Variants in TRIM35 observed in about 807,000 individuals in gnomAD.
TRIM35 encodes the protein E3 ubiquitin-protein ligase TRIM35.
A neutral mutation model predicts 49.1 loss-of-function variants in TRIM35; 37 were observed. That is an observed-to-expected ratio of 0.75 (90% CI 0.58 to 0.99). The LOEUF (loss-of-function observed/expected upper bound fraction) is 0.99, where lower values mean the gene tolerates loss of function less well. TRIM35 is among the 50% of genes least tolerant of loss of function. TRIM35 has a pLI of 0.00. For missense variants in TRIM35, 648 were observed against 702.7 expected, an observed-to-expected ratio of 0.92 and a Z score of 0.88; for synonymous variants, 302 against 289.3, an observed-to-expected ratio of 1.04 and a Z score of -0.45.
chr8:27,293,001 T>C (rs1802485459), intron 3 of TRIM35, among the ~76,000 whole-genome samples: 1 of 148,372 alleles, frequency 6.7e-6, no homozygotes, highest in Non-Finnish European at 1.5e-5. Context: ...ATTTTTCTTT[T>C]TCTTTTTTTT....
intron 2 of TRIM35, among the ~76,000 whole-genome samples, chr8:27,296,242 G>A (rs955504492): frequency 2.0e-5 from 3 of 151,266 alleles, no homozygotes; most frequent in Admixed American, 6.6e-5. Context: ...GCGCCATGGT[G>A]GTCTGCTGCA....
chr8:27,294,068 T>C lies in TRIM35; in HGVS notation c.762+12A>G. The C allele has an allele frequency of 6.2e-7, 1 of 1,612,356 alleles. No individual in the cohort carries two copies. Among genetic ancestry groups the C allele is most frequent in the Non-Finnish European group, 8.5e-7 (1 of 1,178,856 alleles). On this transcript the variant is annotated intron_variant, in intron 3 of 5. Transcript: ENST00000305364. ...TGGCCCTGTCACTGAATCCAGACGC[T>C]GAGCTCCTTACCATGAGAAAAGAAA...
chr8:27,294,160 T>C lies in TRIM35; in HGVS notation c.682A>G (p.Thr228Ala), dbSNP rs1311784281. Residue 228 changes from threonine (T) to alanine (A), a missense_variant, in exon 3 of 6, where the codon ACA (threonine) becomes GCA (alanine). Physicochemically the swap from Thr to Ala is moderately conservative, Grantham distance 58 (BLOSUM62 0). Coordinates refer to ENST00000305364, the MANE Select transcript of TRIM35 (RefSeq NM_171982.5). ...LLADEKMKQL[T>A]EETEVLAHEI... ...TGTGCCAGCACCTCCGTCTCCTCTGTGAGCTGCTTCATCTTCTCGTCGGCC... is the reference window on the plus strand; with the variant it reads ...TGTGCCAGCACCTCCGTCTCCTCTGCGAGCTGCTTCATCTTCTCGTCGGCC... The C allele has an allele frequency of 6.2e-7, 1 of 1,614,160 alleles. No homozygotes were observed. The highest frequency in any genetic ancestry group is 8.5e-7 in the Non-Finnish European group (1 of 1,179,954).
At chr8:27,293,396 G>C (rs4733049) in intron 3 of TRIM35, among the ~76,000 whole-genome samples, 29,502 of 151,926 alleles carry the variant, frequency 0.19, 3,703 homozygotes, top group East Asian at 0.66. Flanking sequence ...AGAGAGAATG[G>C]AATCATCCTT....
At chr8:27,304,663 C>G (rs1802746852) in intron 1 of TRIM35, 1 of 357,646 alleles carries the variant, frequency 2.8e-6, no homozygotes, top group East Asian at 7.8e-5. Flanking sequence ...TTTGTTTTGT[C>G]CCCTGCATGT....
rs113764729 is a variant in TRIM35, at chr8:27,294,203, T to C, written c.639A>G (p.Thr213=). ...QAILDAMAEE[T]RQKQLLADEK... ...CGTCGGCCAGAAGTTGCTTCTGCCT[T>C]GTCTCCTCGGCCATGGCATCCAGAA... Residue 213 remains threonine (T), a synonymous_variant, in exon 3 of 6, where the codon ACA becomes ACG. Coordinates refer to ENST00000305364, the MANE Select transcript of TRIM35 (RefSeq NM_171982.5). 4.1e-5 allele frequency: 66 copies of C among 1,614,242 alleles called. No homozygotes were observed. The African/African-American group carries it at 4.8e-4, about 12-fold the overall frequency.
rs760859895 is a variant in TRIM35 at position 27,287,830 on chromosome 8, C to A, written c.1202G>T (p.Arg401Leu). ...DTRSGFWYVC[R>L]TQGVEGDHCV... Reference sequence around the variant, plus strand: ...GTGGTCCCCCTCCACGCCCTGCGTGCGGCAGACATACCAGAAGCCCGAGCG... The same window carrying A: ...GTGGTCCCCCTCCACGCCCTGCGTGAGGCAGACATACCAGAAGCCCGAGCG... The change falls in exon 6 of 6, where the codon CGC becomes CTC. Residue 401 changes from arginine (R) to leucine (L), a missense_variant. Physicochemically the swap from Arg to Leu is moderately radical, Grantham distance 102 (BLOSUM62 -2). Coordinates refer to ENST00000305364, the MANE Select transcript of TRIM35 (RefSeq NM_171982.5). This position sits in a 1 kb window ranked among gnomAD's most constrained non-coding sequence, Gnocchi z 6.0. 1.2e-6 allele frequency: 2 copies of A among 1,612,180 alleles called. No individual in the cohort carries two copies. Among genetic ancestry groups the A allele is most frequent in the South Asian group, 2.2e-5 (2 of 90,880 alleles).
intron 1 of TRIM35, among the ~76,000 whole-genome samples, chr8:27,299,204 T>C (rs561101117): frequency 7.9e-5 from 12 of 152,332 alleles, no homozygotes; most frequent in Admixed American, 2.0e-4. Context: ...TAAACTTTAA[T>C]GATTGTTTCT....
Position 27,286,939 on chromosome 8 carries a change from G to A in TRIM35, c.*611C>T, listed in dbSNP as rs1802335166. On this transcript the variant is annotated 3_prime_UTR_variant, in exon 6 of 6. Transcript: ENST00000305364. ...CATTCACCTGTCCTGACTATCCCGG[G>A]GCCAGGTATCAGACAAAAAGGGCAG... 6.6e-6 allele frequency: 1 copy of A among 152,494 alleles called. No homozygotes were observed. The allele number at this position is 152,494 out of a possible 1,614,324, so 9.4% of individuals were successfully genotyped here.
chr8:27,311,245 A>T lies in TRIM35; in HGVS notation c.-10T>A, dbSNP rs1325486639. Reference sequence around the variant, plus strand: ...CGGGACTCCGCTCCATGGCACGAGCAGCCGGCTCGGGCGCCCGGAACTTTT... The same window carrying T: ...CGGGACTCCGCTCCATGGCACGAGCTGCCGGCTCGGGCGCCCGGAACTTTT... On this transcript the variant is annotated 5_prime_UTR_variant, in exon 1 of 6. Transcript: ENST00000305364. The T allele has an allele frequency of 2.0e-6, 3 of 1,506,960 alleles. No individual in the cohort carries two copies. Among genetic ancestry groups the T allele is most frequent in the South Asian group, 1.3e-5 (1 of 75,348 alleles). The allele number at this position is 1,506,960 out of a possible 1,614,324, so 93.3% of individuals were successfully genotyped here.
intron 2 of TRIM35, among the ~76,000 whole-genome samples, chr8:27,295,689 G>A (rs973249146): frequency 4.6e-5 from 7 of 152,106 alleles, no homozygotes; most frequent in African/African-American, 1.7e-4. Context: ...ATGGTTGTAT[G>A]GGTACTCAAA....
At chr8:27,308,961 C>G (rs2130326693) in intron 1 of TRIM35, among the ~76,000 whole-genome samples, 1 of 152,366 alleles carries the variant, frequency 6.6e-6, no homozygotes, top group Middle Eastern at 3.4e-3. Flanking sequence ...TGGACCCTTC[C>G]AAATGCTGCT....
chr8:27,299,060 G>T (rs116634789), intron 1 of TRIM35, among the ~76,000 whole-genome samples: 191 of 152,278 alleles, frequency 1.3e-3, no homozygotes, highest in African/African-American at 4.3e-3. Context: ...TACCTCCCAT[G>T]AGGCCTCACC....
intron 2 of TRIM35, among the ~76,000 whole-genome samples, chr8:27,295,814 A>T (rs1802554238): frequency 1.3e-5 from 2 of 152,222 alleles, no homozygotes; most frequent in African/African-American, 2.4e-5. Context: ...GGATTCACTG[A>T]AAAAATGAAA....
intron 3 of TRIM35, among the ~76,000 whole-genome samples, chr8:27,293,073 A>G (rs1216885621): frequency 6.6e-6 from 1 of 150,752 alleles, no homozygotes; most frequent in Non-Finnish European, 1.5e-5. Context: ...AATCAGGGAC[A>G]TTTTTGAGAC....
intron 1 of TRIM35, among the ~76,000 whole-genome samples, chr8:27,302,704 A>G (rs555750061): frequency 5.3e-5 from 8 of 152,288 alleles, no homozygotes; most frequent in South Asian, 2.1e-4. Context: ...CTCCCTGCCT[A>G]TATTTTATTT....
At chr8:27,308,661 C>A (rs2130324341) in intron 1 of TRIM35, among the ~76,000 whole-genome samples, 1 of 152,330 alleles carries the variant, frequency 6.6e-6, no homozygotes, top group Middle Eastern at 3.4e-3. Flanking sequence ...CCACAGCACA[C>A]AACAGCCATC....
chr8:27,301,372 G>A (rs1298742936), intron 1 of TRIM35, among the ~76,000 whole-genome samples: 1 of 152,242 alleles, frequency 6.6e-6, no homozygotes, highest in East Asian at 1.9e-4. Flanking sequence ...ATATTCCTGG[G>A]GATAAAACTG....
At position 27,291,319 on chromosome 8, in the gene TRIM35, T is replaced by G. The variant is rs1303941744; in HGVS notation, c.763-1141A>C. Among the ~76,000 whole-genome samples the G allele has an allele frequency of 2.6e-5, 4 of 152,304 alleles. No homozygotes were observed. In the East Asian group the frequency reaches 7.7e-4, roughly 29 times the overall value. On this transcript the variant is annotated intron_variant, in intron 3 of 5. Coordinates refer to ENST00000305364, the MANE Select transcript of TRIM35 (RefSeq NM_171982.5). ...CCCATGAAAAGATGTTCCAAGTCAT[T>G]AGCCATCAGGGATGTGATGACATGC...
Sources: allele counts gnomAD v4.1 joint callset (sites outside exome capture counted in the v4.1 genomes callset), GRCh38; gene constraint gnomAD v4.1.1; non-coding constraint Gnocchi (gnomAD v3.1); transcripts MANE v1.5; gene names NCBI Gene and HGNC (gene_info 2026-07-23, HGNC 2026-07-21).